Variants in CLCN6 observed in about 807,000 individuals in gnomAD.
The protein encoded by CLCN6 is H(+)/Cl(-) exchange transporter 6.
In CLCN6, 70 loss-of-function variants were observed where a neutral mutation model predicts 109.8. The observed-to-expected ratio is 0.64, with a 90% confidence interval of 0.53 to 0.78. The LOEUF is 0.78. CLCN6 is among the 30% of genes least tolerant of loss of function. The pLI, the probability that CLCN6 is intolerant of heterozygous loss-of-function variation, is 0.00. For missense variants in CLCN6, 984 were observed against 1,142.3 expected (o/e 0.86, Z 2.00); for synonymous variants, 444 against 447.8 (o/e 0.99, Z 0.11).
chr1:11,833,927 C>G lies in CLCN6; in HGVS notation c.1423C>G (p.Leu475Val), dbSNP rs749601719. 2.5e-5 allele frequency: 41 copies of G among 1,613,936 alleles called. No homozygotes were observed. Among genetic ancestry groups the G allele is most frequent in the Non-Finnish European group, 3.5e-5 (41 of 1,179,982 alleles). The change falls in exon 15 of 23, where the codon CTT becomes GTT. Residue 475 changes from leucine to valine, a missense_variant. Coordinates refer to ENST00000346436, the MANE Select transcript of CLCN6 (RefSeq NM_001286.5). ...LALFFVLYFL[L>V]ACWTYGISVP... ...CTTGTTCTTCGTTCTCTATTTCTTG[C>G]TTGCATGTTGGACTTACGGCATTTC...
rs1302255634 is a variant in CLCN6, at chr1:11,833,601, G to A, written c.1335G>A (p.Pro445=). The part of the protein sequence containing the change: ...YNDMATLFFN[P]QESAILQLFH... ...ACATGGCCACACTCTTCTTCAACCC[G>A]CAGGAGTCTGCCATCCTCCAGCTCT... Residue 445 remains proline (P), a synonymous_variant, in exon 14 of 23, where the codon CCG becomes CCA. Coordinates refer to ENST00000346436, the MANE Select transcript of CLCN6 (RefSeq NM_001286.5). 1.2e-5 allele frequency: 20 copies of A among 1,613,830 alleles called. No individual in the cohort carries two copies. Among genetic ancestry groups the A allele is most frequent in the Admixed American group, 1.7e-5 (1 of 60,008 alleles).
chr1:11,811,940 C>G (rs111857526), intron 2 of CLCN6, among the ~76,000 whole-genome samples: 10 of 152,230 alleles, frequency 6.6e-5, no homozygotes, highest in African/African-American at 2.4e-4. Flanking sequence ...TGTTTCTCCT[C>G]TGCTCTCAGG....
Position 11,834,296 on chromosome 1 carries a change from C to T in CLCN6, c.1587C>T (p.Phe529=). The T allele has an allele frequency of 6.2e-7, 1 of 1,614,118 alleles. No homozygotes were observed. The highest frequency in any genetic ancestry group is 8.5e-7 in the Non-Finnish European group (1 of 1,180,022). ...TTGCCCTGATTGGTGCAGCGGCTTTCTTGGGCGGGGTGGTCCGCATGACCA... is the reference window on the plus strand; with the variant it reads ...TTGCCCTGATTGGTGCAGCGGCTTTTTTGGGCGGGGTGGTCCGCATGACCA... The part of the protein sequence containing the change: ...GTFALIGAAA[F]LGGVVRMTIS... The change falls in exon 16 of 23, where the codon TTC becomes TTT. Residue 529 remains phenylalanine (F), a synonymous_variant. Transcript: ENST00000346436. This position sits in a 1 kb window ranked among gnomAD's most constrained non-coding sequence, Gnocchi z 4.5.
At chr1:11,812,500 G>A (rs959862731) in intron 2 of CLCN6, among the ~76,000 whole-genome samples, 5 of 152,028 alleles carry the variant, frequency 3.3e-5, no homozygotes, top group African/African-American at 9.7e-5. Context: ...CTTCAGCTTC[G>A]GTCTCCTCCC....
At chr1:11,812,678 GTGTGT>G (rs1423065852) in intron 2 of CLCN6, among the ~76,000 whole-genome samples, 1 of 148,640 alleles carries the variant, frequency 6.7e-6, no homozygotes, top group African/African-American at 2.5e-5. Flanking sequence ...GTGTGTGTGT[GTGTGT>G]GTGTGTGTGT....
At chr1:11,830,764 T>TATATATATATACAC (rs1202765592) in intron 13 of CLCN6, among the ~76,000 whole-genome samples, 2 of 115,616 alleles carry the variant, frequency 1.7e-5, no homozygotes, top group African/African-American at 7.3e-5. Context: ...TATATATATA[T>TATATATATATACAC]ACACACACAC....
At chr1:11,821,250 T>A (rs1644739464) in intron 5 of CLCN6, among the ~76,000 whole-genome samples, 1 of 152,088 alleles carries the variant, frequency 6.6e-6, no homozygotes. Context: ...AAGAGGCAGA[T>A]AATTAGTATC....
chr1:11,821,952 ATGT>A (rs1488869371), intron 5 of CLCN6, among the ~76,000 whole-genome samples: 1 of 152,246 alleles, frequency 6.6e-6, no homozygotes, highest in African/African-American at 2.4e-5. Context: ...CAAAGACTTA[ATGT>A]TGAGAAAAAA....
chr1:11,834,057 C>T lies in CLCN6; in HGVS notation c.1526+27C>T, dbSNP rs376545449. On this transcript the variant is annotated intron_variant, in intron 15 of 22. Coordinates refer to ENST00000346436, the MANE Select transcript of CLCN6 (RefSeq NM_001286.5). The surrounding 1 kb of genome is among the most constrained non-coding windows in gnomAD (Gnocchi z 4.5). ...TACTCTGTGTGTGTGCGTGTGTGTG[C>T]GCATGTGCATGTGTGTGCACGTGTG... is the stretch of plus-strand genomic sequence containing the variant. 148 of 1,610,302 alleles carry T rather than the reference C, an allele frequency of 9.2e-5. 3 individuals carry two copies. The African/African-American group carries it at 1.1e-3, about 12-fold the overall frequency.
chr1:11,822,779 C>G lies in CLCN6; in HGVS notation c.431C>G (p.Ala144Gly), dbSNP rs1272785471. 2 of 1,613,638 alleles carry G rather than the reference C, an allele frequency of 1.2e-6. No individual in the cohort carries two copies. The highest frequency in any genetic ancestry group is 2.7e-5 in the African/African-American group (2 of 74,930). ...LGFNLTFVFL[A>G]SLLVLIEPVA... ...TTTAACCTCACCTTTGTCTTCCTGGCAAGCCTCCTTGTTCTCATTGAGGTG... is the reference window on the plus strand; with the variant it reads ...TTTAACCTCACCTTTGTCTTCCTGGGAAGCCTCCTTGTTCTCATTGAGGTG... The change falls in exon 6 of 23, where the codon GCA (alanine) becomes GGA (glycine). Residue 144 changes from alanine (A) to glycine (G), a missense_variant. Ala to Gly is a moderately conservative substitution (Grantham distance 60, BLOSUM62 0). Coordinates refer to ENST00000346436, the MANE Select transcript of CLCN6 (RefSeq NM_001286.5).
At chr1:11,811,378 C>G (rs187026628) in intron 2 of CLCN6, among the ~76,000 whole-genome samples, 263 of 151,044 alleles carry the variant, frequency 1.7e-3, no homozygotes, top group African/African-American at 6.2e-3. Flanking sequence ...ACCATTCCTA[C>G]AGTCAATTTT....
Position 11,837,058 on chromosome 1 carries a change from C to T in CLCN6, c.2040C>T (p.Ser680=), listed in dbSNP as rs1224180261. The T allele has an allele frequency of 1.9e-6, 3 of 1,613,244 alleles. No individual in the cohort carries two copies. Among genetic ancestry groups the T allele is most frequent in the Admixed American group, 1.7e-5 (1 of 60,010 alleles). The change falls in exon 19 of 23, where the codon TCC becomes TCT. Residue 680 remains serine, a synonymous_variant. Coordinates refer to ENST00000346436, the MANE Select transcript of CLCN6 (RefSeq NM_001286.5). ...EQRKRSQSMK[S]YPSSELRNMC... Reference sequence around the variant, plus strand: ...GCAAACGGAGCCAGTCCATGAAGTCCTACCCATCCAGCGAGCTACGGAACA... The same window carrying T: ...GCAAACGGAGCCAGTCCATGAAGTCTTACCCATCCAGCGAGCTACGGAACA...
chr1:11,835,551 A>G (rs1279927008), intron 17 of CLCN6, among the ~76,000 whole-genome samples: 1 of 152,174 alleles, frequency 6.6e-6, no homozygotes, highest in Non-Finnish European at 1.5e-5. Context: ...CTGGGATTAC[A>G]TGCGTGAGCC....
chr1:11,806,259 G>A lies in CLCN6; in HGVS notation c.-4G>A, dbSNP rs756135466. The A allele has an allele frequency of 6.8e-7, 1 of 1,464,624 alleles. No individual in the cohort carries two copies. Among genetic ancestry groups the A allele is most frequent in the Non-Finnish European group, 9.0e-7 (1 of 1,111,854 alleles). The allele number at this position is 1,464,624 out of a possible 1,614,324, so 90.7% of individuals were successfully genotyped here. ...GGGGTCCAGAGTGGCAGTAAAGGAG[G>A]AAGATGGCGGGGTGCAGGGGGTCTC... On this transcript the variant is annotated 5_prime_UTR_variant, in exon 1 of 23. Coordinates refer to ENST00000346436, the MANE Select transcript of CLCN6 (RefSeq NM_001286.5).
intron 4 of CLCN6, among the ~76,000 whole-genome samples, chr1:11,817,050 G>A (rs566621185): frequency 1.3e-5 from 2 of 152,104 alleles, no homozygotes; most frequent in South Asian, 4.2e-4. Flanking sequence ...GGTAGATAAT[G>A]CATTGGGTAG....
intron 8 of CLCN6, 105 bp downstream of exon 8, chr1:11,824,658 G>A (rs1644789480): frequency 1.3e-6 from 1 of 798,498 alleles, no homozygotes; most frequent in African/African-American, 1.8e-5. Context: ...TTGGAACCTG[G>A]TGCCATTCTG....
rs1193189549 is a variant in CLCN6 at position 11,842,286 on chromosome 1, A to G, written c.*2063A>G. 1 of 152,600 alleles carries G rather than the reference A, an allele frequency of 6.6e-6. No homozygotes were observed. The highest frequency in any genetic ancestry group is 2.4e-5 in the African/African-American group (1 of 41,428). The allele number at this position is 152,600 out of a possible 1,614,324, so 9.5% of individuals were successfully genotyped here. ...TCCTGTTGTGTTTAAGTCACCAGAT[A>G]TTTTGTTCCCATCAGTTTAGCCCAG... On this transcript the variant is annotated 3_prime_UTR_variant, in exon 23 of 23. Coordinates refer to ENST00000346436, the MANE Select transcript of CLCN6 (RefSeq NM_001286.5).
Position 11,833,890 on chromosome 1 carries a change from C to G in CLCN6, c.1386C>G (p.Pro462=). 1 of 1,610,988 alleles carries G rather than the reference C, an allele frequency of 6.2e-7. No homozygotes were observed. Among genetic ancestry groups the G allele is most frequent in the Non-Finnish European group, 8.5e-7 (1 of 1,178,818 alleles). ...CTTCCCTTGCAGGTACTTTCAGCCCCGTCACTCTGGCCTTGTTCTTCGTTC... is the reference window on the plus strand; with the variant it reads ...CTTCCCTTGCAGGTACTTTCAGCCCGGTCACTCTGGCCTTGTTCTTCGTTC... ...QLFHQDGTFS[P]VTLALFFVLY... The change falls in exon 15 of 23, where the codon CCC becomes CCG. Residue 462 remains proline (P), a synonymous_variant. Coordinates refer to ENST00000346436, the MANE Select transcript of CLCN6 (RefSeq NM_001286.5).
rs977571718 is a variant in CLCN6, at chr1:11,841,199, C to T, written c.*976C>T. ...AAGGAAGCACTTCTGAGCCAGTGAC[C>T]ACTGAAAGGTATGTGCTATGATAAA... On this transcript the variant is annotated 3_prime_UTR_variant, in exon 23 of 23. Transcript: ENST00000346436. 1.3e-5 allele frequency: 2 copies of T among 152,718 alleles called. No homozygotes were observed. Among genetic ancestry groups the T allele is most frequent in the Admixed American group, 6.5e-5 (1 of 15,288 alleles). The allele number at this position is 152,718 out of a possible 1,614,324, so 9.5% of individuals were successfully genotyped here. A position where few individuals can be genotyped will look rare whatever the true frequency, so the allele number is the denominator to read the frequency against.
Sources: allele counts gnomAD v4.1 joint callset (sites outside exome capture counted in the v4.1 genomes callset), GRCh38; gene constraint gnomAD v4.1.1; non-coding constraint Gnocchi (gnomAD v3.1); transcripts MANE v1.5; gene names NCBI Gene and HGNC (gene_info 2026-07-23, HGNC 2026-07-21).